The following CFAP100 variants were observed in gnomAD, a reference collection of about 807,000 sequenced individuals.
The protein encoded by CFAP100 is cilia- and flagella-associated protein 100.
Under a neutral mutation model 81.5 loss-of-function variants are expected in CFAP100, and 70 were observed. That is an observed-to-expected ratio of 0.86 (90% confidence interval 0.71 to 1.05). CFAP100 has a LOEUF of 1.05. CFAP100 is among the 50% of genes least tolerant of loss of function. The pLI is 0.00. For synonymous variants in CFAP100, 341 were observed against 314.8 expected (o/e 1.08, Z -0.88); for missense variants, 811 against 776.5 (o/e 1.04, Z -0.53).
Position 126,420,043 on chromosome 3 carries a change from G to A in CFAP100, c.955+22G>A, listed in dbSNP as rs201666882. The A allele has an allele frequency of 5.8e-5, 93 of 1,613,282 alleles. No individual in the cohort carries two copies. The East Asian group carries it at 1.9e-3, about 34-fold the overall frequency. On this transcript the variant is annotated intron_variant, in intron 10 of 16. Transcript: ENST00000352312. ...AAAGGTGAGCTGCCGCCCCCAGCCT[G>A]AGGAGGAGCCTGGCTCTGCCCTGCA...
At position 126,433,148 on chromosome 3, in the gene CFAP100, G is replaced by C. The variant is rs572309146; in HGVS notation, c.1366G>C (p.Glu456Gln). ...SITKEEDTAA[E>Q]LELKARVFHF... ...CACCAAGGAGGAGGACACAGCAGCT[G>C]AGCTGGAGCTCAAAGCCCGAGTCTT... The change falls in exon 14 of 17, where the codon GAG (glutamate) becomes CAG (glutamine). Residue 456 changes from glutamate to glutamine, a missense_variant. Glu to Gln is a conservative substitution (Grantham distance 29). Coordinates refer to ENST00000352312, the MANE Select transcript of CFAP100 (RefSeq NM_182628.3). The C allele has an allele frequency of 3.1e-4, 503 of 1,614,238 alleles. 8 individuals are homozygous for C. In the South Asian group the frequency reaches 5.2e-3, roughly 17 times the overall value.
chr3:126,423,752 T>C (rs1290746885), intron 13 of CFAP100, 108 bp downstream of exon 13: 6 of 1,357,528 alleles, frequency 4.4e-6, no homozygotes, highest in Non-Finnish European at 6.2e-6. Flanking sequence ...TCCGTGGCCC[T>C]GGCCTGGTCC....
intron 10 of CFAP100, 24 bp from the exon 11 acceptor site, chr3:126,420,079 A>C: frequency 1.2e-6 from 2 of 1,613,288 alleles, no homozygotes; most frequent in Non-Finnish European, 1.7e-6. Flanking sequence ...CAGGGCTCGG[A>C]AACTATTCCT....
In CFAP100 at chr3:126,416,518, C is replaced by A; in HGVS notation, c.418+10C>A. 2 of 1,557,936 alleles carry A rather than the reference C, an allele frequency of 1.3e-6. No homozygotes were observed. The highest frequency in any genetic ancestry group is 1.7e-6 in the Non-Finnish European group (2 of 1,150,348). ...CTCACCTTGACCAAAGGTGCGTCCCCTCCGGCGCGGGGGGACCTGGGCCAG... is the reference window on the plus strand; with the variant it reads ...CTCACCTTGACCAAAGGTGCGTCCCATCCGGCGCGGGGGGACCTGGGCCAG... On this transcript the variant is annotated intron_variant, in intron 5 of 16. Coordinates refer to ENST00000352312, the MANE Select transcript of CFAP100 (RefSeq NM_182628.3).
intron 4 of CFAP100, among the ~76,000 whole-genome samples, chr3:126,414,589 C>T (rs1228433808): frequency 2.0e-5 from 3 of 152,206 alleles, no homozygotes; most frequent in East Asian, 1.9e-4. Flanking sequence ...GGCCTTGTGC[C>T]GTCCCTATGG....
chr3:126,431,633 G>C (rs1407695146), intron 13 of CFAP100, among the ~76,000 whole-genome samples: 2 of 152,190 alleles, frequency 1.3e-5, no homozygotes, highest in Non-Finnish European at 2.9e-5. Context: ...GACAAGAGCT[G>C]AGGACCCCCT....
chr3:126,404,136 A>G (rs1220698517), intron 2 of CFAP100, among the ~76,000 whole-genome samples: 2 of 152,238 alleles, frequency 1.3e-5, no homozygotes, highest in Non-Finnish European at 2.9e-5. Context: ...AAAGACACAC[A>G]GTTTCTTCCT....
chr3:126,423,680 C>A (rs2083369746), intron 13 of CFAP100, 36 bp downstream of exon 13: 1 of 1,611,614 alleles, frequency 6.2e-7, no homozygotes, highest in Admixed American at 1.7e-5. Context: ...GGGCTCCCTG[C>A]CGCTCTCATC....
At chr3:126,426,939 C>T (rs1361264768) in intron 13 of CFAP100, among the ~76,000 whole-genome samples, 1 of 152,118 alleles carries the variant, frequency 6.6e-6, no homozygotes, top group Non-Finnish European at 1.5e-5. Flanking sequence ...AAATGAAGTA[C>T]TTAGGTATAA....
chr3:126,435,549 T>C lies in CFAP100; in HGVS notation c.1629-10T>C. ...CCCCCCAGTTTTCAATGTCATTTCT[T>C]GCCACCCAGACTTCGAGAAGAGAAG... On this transcript the variant is annotated splice_polypyrimidine_tract_variant and intron_variant, in intron 15 of 16. Coordinates refer to ENST00000352312, the MANE Select transcript of CFAP100 (RefSeq NM_182628.3). 6.2e-7 allele frequency: 1 copy of C among 1,608,756 alleles called. No individual in the cohort carries two copies. Among genetic ancestry groups the C allele is most frequent in the Non-Finnish European group, 8.5e-7 (1 of 1,176,382 alleles).
chr3:126,400,196 T>A (rs2082951809), intron 2 of CFAP100, among the ~76,000 whole-genome samples: 1 of 151,994 alleles, frequency 6.6e-6, no homozygotes, highest in South Asian at 2.1e-4. Context: ...AACAACCCAA[T>A]TCAAAACTGG....
chr3:126,401,904 C>T (rs1167843229), intron 2 of CFAP100, among the ~76,000 whole-genome samples: 2 of 152,226 alleles, frequency 1.3e-5, no homozygotes, highest in Admixed American at 6.5e-5. Flanking sequence ...GCTCTGCCTG[C>T]AGGTTTTGCC....
At chr3:126,407,739 C>T (rs1213071078) in intron 3 of CFAP100, among the ~76,000 whole-genome samples, 8 of 152,358 alleles carry the variant, frequency 5.3e-5, no homozygotes, top group African/African-American at 1.9e-4. Context: ...TGTCTTCCCA[C>T]ATTCCAGCAG....
chr3:126,403,432 T>C (rs989803221), intron 2 of CFAP100, among the ~76,000 whole-genome samples: 9 of 148,162 alleles, frequency 6.1e-5, no homozygotes, highest in African/African-American at 2.2e-4. Flanking sequence ...TCACACAGGC[T>C]GGAATGCAGT....
chr3:126,424,962 G>C (rs1576643059), intron 13 of CFAP100, among the ~76,000 whole-genome samples: 1 of 152,190 alleles, frequency 6.6e-6, no homozygotes, highest in Admixed American at 6.5e-5. Context: ...GTGTCCCATG[G>C]GGGAACCATG....
chr3:126,415,146 G>A (rs902550498), intron 4 of CFAP100, among the ~76,000 whole-genome samples: 1 of 152,028 alleles, frequency 6.6e-6, no homozygotes, highest in Non-Finnish European at 1.5e-5. Flanking sequence ...AGCCTAGCTC[G>A]AGGCCTCCCC....
intron 2 of CFAP100, among the ~76,000 whole-genome samples, chr3:126,401,188 A>AT (rs2082973073): frequency 6.6e-6 from 1 of 150,956 alleles, no homozygotes. Context: ...GGAGGGGAGG[A>AT]TGGGGAGTTG....
intron 2 of CFAP100, 111 bp from the exon 3 acceptor site, chr3:126,407,061 G>C: frequency 1.6e-6 from 1 of 637,454 alleles, no homozygotes; most frequent in Non-Finnish European, 2.8e-6. Flanking sequence ...AGGGGAGGGA[G>C]CTGAGGTTGA....
chr3:126,395,999 A>C lies in CFAP100; in HGVS notation c.-2A>C, dbSNP rs750763645. The C allele has an allele frequency of 2.5e-6, 4 of 1,612,960 alleles. No homozygotes were observed. In the African/African-American group the frequency reaches 5.3e-5, roughly 22 times the overall value. On this transcript the variant is annotated 5_prime_UTR_variant, in exon 2 of 17. Transcript: ENST00000352312. ...GCATCAACCTCTTGGGCCTCAGCCA[A>C]GATGTCTGAGATACCGTCCACTATA...
Sources: allele counts gnomAD v4.1 joint callset (sites outside exome capture counted in the v4.1 genomes callset), GRCh38; gene constraint gnomAD v4.1.1; transcripts MANE v1.5; gene names NCBI Gene and HGNC (gene_info 2026-07-23, HGNC 2026-07-21).